EPHA3: variants seen among roughly 807,000 people sequenced by gnomAD.
EPHA3 encodes the protein ephrin type-A receptor 3.
A neutral mutation model predicts 107.1 loss-of-function variants in EPHA3; 42 were observed. That is an observed-to-expected ratio of 0.39 (90% CI 0.31 to 0.51). The LOEUF is 0.51. EPHA3 is among the 20% of genes least tolerant of loss of function. The pLI, the probability that EPHA3 is intolerant of heterozygous loss-of-function variation, is 0.78. For missense variants in EPHA3, 1,183 were observed against 1,211.2 expected (o/e 0.98, Z 0.35); for synonymous variants, 461 against 424.8 (o/e 1.09, Z -1.05).
intron 2 of EPHA3, among the ~76,000 whole-genome samples, chr3:89,137,041 A>G (rs1704329545): frequency 6.6e-6 from 1 of 151,994 alleles, no homozygotes; most frequent in Non-Finnish European, 1.5e-5. Context: ...GTGACCAAAA[A>G]TATACATATT....
intron 13 of EPHA3, among the ~76,000 whole-genome samples, chr3:89,433,866 A>T (rs1229302084): frequency 6.6e-6 from 1 of 152,198 alleles, no homozygotes; most frequent in Non-Finnish European, 1.5e-5. Flanking sequence ...AAAATTAGTC[A>T]GCCAATGTAT....
chr3:89,284,832 T>C (rs1200068222), intron 3 of EPHA3, among the ~76,000 whole-genome samples: 5 of 152,088 alleles, frequency 3.3e-5, no homozygotes, highest in Admixed American at 1.3e-4. Context: ...TTAGAACAAT[T>C]ATTAAAATGT....
At chr3:89,151,301 G>T (rs566820551) in intron 2 of EPHA3, among the ~76,000 whole-genome samples, 6 of 152,182 alleles carry the variant, frequency 3.9e-5, no homozygotes, top group Non-Finnish European at 5.9e-5. Flanking sequence ...GGACTTCTAA[G>T]ATACCATTAT....
At chr3:89,412,334 A>G (rs1236343098) in intron 9 of EPHA3, among the ~76,000 whole-genome samples, 1 of 151,678 alleles carries the variant, frequency 6.6e-6, no homozygotes, top group Non-Finnish European at 1.5e-5. Context: ...TAATGAATAA[A>G]TATAATATGA....
chr3:89,384,983 T>C (rs1219414143), intron 5 of EPHA3, among the ~76,000 whole-genome samples: 1 of 152,136 alleles, frequency 6.6e-6, no homozygotes, highest in Non-Finnish European at 1.5e-5. Flanking sequence ...GATAAGAATA[T>C]TGTAGAACAT....
intron 15 of EPHA3, among the ~76,000 whole-genome samples, chr3:89,458,044 A>T (rs1048314366): frequency 4.6e-5 from 7 of 151,668 alleles, no homozygotes; most frequent in African/African-American, 1.7e-4. Context: ...CATGCAGATA[A>T]GCATTCTTGG....
At chr3:89,131,374 A>G (rs553710160) in intron 2 of EPHA3, among the ~76,000 whole-genome samples, 1 of 152,192 alleles carries the variant, frequency 6.6e-6, no homozygotes, top group Non-Finnish European at 1.5e-5. Context: ...CAAAGCCTCT[A>G]TATATTGTTA....
intron 3 of EPHA3, among the ~76,000 whole-genome samples, chr3:89,339,566 C>T (rs527630699): frequency 6.6e-6 from 1 of 152,038 alleles, no homozygotes; most frequent in Non-Finnish European, 1.5e-5. Flanking sequence ...TAAGTTATTC[C>T]AGTAGTTTAT....
At chr3:89,204,973 G>A (rs1418208843) in intron 2 of EPHA3, among the ~76,000 whole-genome samples, 1 of 152,132 alleles carries the variant, frequency 6.6e-6, no homozygotes, top group African/African-American at 2.4e-5. Flanking sequence ...AGAAATTGGT[G>A]TTTCTTATAA....
chr3:89,220,772 A>G (rs1406048952), intron 3 of EPHA3, among the ~76,000 whole-genome samples: 2 of 152,216 alleles, frequency 1.3e-5, no homozygotes, highest in African/African-American at 4.8e-5. Context: ...ATTCCAGGAC[A>G]TATTGTGTTA....
intron 3 of EPHA3, among the ~76,000 whole-genome samples, chr3:89,287,178 C>T (rs1409860581): frequency 2.0e-5 from 3 of 152,080 alleles, no homozygotes; most frequent in Non-Finnish European, 2.9e-5. Flanking sequence ...ATTTATTGAA[C>T]GTCAAGCACA....
chr3:89,293,442 T>A (rs1446729748), intron 3 of EPHA3, among the ~76,000 whole-genome samples: 1 of 152,116 alleles, frequency 6.6e-6, no homozygotes, highest in Non-Finnish European at 1.5e-5. Context: ...GAACTTTCTT[T>A]TAAGGGGCCA....
intron 1 of EPHA3, among the ~76,000 whole-genome samples, chr3:89,115,919 G>A (rs942852748): frequency 2.0e-5 from 3 of 152,130 alleles, no homozygotes; most frequent in Non-Finnish European, 2.9e-5. Context: ...CTTAATCCCA[G>A]TGACTGTACT....
intron 3 of EPHA3, among the ~76,000 whole-genome samples, chr3:89,227,256 A>G (rs995187892): frequency 2.6e-5 from 4 of 152,030 alleles, no homozygotes; most frequent in African/African-American, 9.7e-5. Context: ...TATTATGGCT[A>G]CAAAATGTTT....
intron 3 of EPHA3, among the ~76,000 whole-genome samples, chr3:89,328,627 C>T (rs1707223859): frequency 6.6e-6 from 1 of 152,160 alleles, no homozygotes; most frequent in African/African-American, 2.4e-5. Context: ...AAATTGGATG[C>T]AAACACAGAA....
intron 3 of EPHA3, among the ~76,000 whole-genome samples, chr3:89,327,529 T>C (rs1707191594): frequency 6.6e-6 from 1 of 152,182 alleles, no homozygotes; most frequent in South Asian, 2.1e-4. Context: ...TCATGTGTTA[T>C]ACTGAGGGCA....
chr3:89,305,369 G>T (rs1706590761), intron 3 of EPHA3, among the ~76,000 whole-genome samples: 1 of 152,068 alleles, frequency 6.6e-6, no homozygotes, highest in South Asian at 2.1e-4. Flanking sequence ...GCAAAATACA[G>T]AATTGACAAG....
chr3:89,384,075 A>C (rs1708565419), intron 5 of EPHA3, among the ~76,000 whole-genome samples: 1 of 152,154 alleles, frequency 6.6e-6, no homozygotes, highest in Non-Finnish European at 1.5e-5. Flanking sequence ...CTTTGGAGCC[A>C]TCTATACTGA....
intron 13 of EPHA3, among the ~76,000 whole-genome samples, chr3:89,438,916 A>T (rs1029030664): frequency 9.2e-5 from 14 of 152,244 alleles, no homozygotes; most frequent in African/African-American, 3.4e-4. Context: ...TTTCAGAGAG[A>T]TGAGTAGCAT....
Sources: gnomAD v4.1 joint callset for allele counts (sites outside exome capture counted in the v4.1 genomes callset) on GRCh38, gnomAD v4.1.1 for gene constraint, MANE v1.5 for transcripts, NCBI Gene and HGNC (gene_info 2026-07-23, HGNC 2026-07-21) for gene names.